The following FSTL4 variants were observed in gnomAD, a reference collection of about 807,000 sequenced individuals.
The protein encoded by FSTL4 is follistatin like 4, also known as follistatin-related protein 4.
FSTL4 carries 28 observed loss-of-function variants against 78.2 expected under a neutral mutation model. The observed-to-expected ratio is 0.36, with a 90% confidence interval of 0.27 to 0.49. The LOEUF (loss-of-function observed/expected upper bound fraction) is 0.49, where lower values mean the gene tolerates loss of function less well. Ranked by LOEUF, FSTL4 falls within the 20% of genes least tolerant of loss-of-function variation. FSTL4 has a pLI of 0.98. For synonymous variants in FSTL4, 422 were observed against 440.5 expected (o/e 0.96, Z 0.53); for missense variants, 922 against 1,084.9 (o/e 0.85, Z 2.11).
chr5:133,225,150 G>C lies in FSTL4; in HGVS notation c.1312C>G (p.Leu438Val). Residue 438 changes from leucine (L) to valine (V), a missense_variant and splice_region_variant, in exon 10 of 16, where the codon CTT (leucine) becomes GTT (valine). By Grantham distance (32) the Leu-to-Val change is conservative. Transcript: ENST00000265342. The surrounding 1 kb of genome is among the most constrained non-coding windows in gnomAD (Gnocchi z 4.6). ...LFIEDSARKT[L>V]ANILWREEGL... ...GAAGCATAAACGCGTGTCGACTTAC[G>C]GGTCTTTCTAGCTGAGTCTTCAATG... 6.2e-7 allele frequency: 1 copy of C among 1,614,158 alleles called. No individual in the cohort carries two copies. Among genetic ancestry groups the C allele is most frequent in the Non-Finnish European group, 8.5e-7 (1 of 1,180,020 alleles).
chr5:133,774,028 C>T, the FSTL4 span, among the ~76,000 whole-genome samples: 1 of 152,132 alleles, frequency 6.6e-6, no homozygotes, highest in Non-Finnish European at 1.5e-5. Context: ...ACTATAAGAG[C>T]AATGGTGATT....
the FSTL4 span, among the ~76,000 whole-genome samples, chr5:133,710,427 T>C: frequency 1.3e-5 from 2 of 152,238 alleles, no homozygotes; most frequent in South Asian, 2.1e-4. Flanking sequence ...TTATCAGTAG[T>C]ACCCCCTGTC....
At chr5:133,730,391 A>C in the FSTL4 span, among the ~76,000 whole-genome samples, 1 of 152,206 alleles carries the variant, frequency 6.6e-6, no homozygotes, top group East Asian at 1.9e-4. Context: ...ATGAAAGTGA[A>C]CTAGACGGGA....
intron 4 of FSTL4, among the ~76,000 whole-genome samples, chr5:133,342,514 C>A (rs561400781): frequency 6.6e-6 from 1 of 152,248 alleles, no homozygotes; most frequent in South Asian, 2.1e-4. Context: ...GCTTTTACCC[C>A]AACACCTGAT....
intron 6 of FSTL4, among the ~76,000 whole-genome samples, chr5:133,283,469 A>AG (rs1753056932): frequency 6.6e-6 from 1 of 152,228 alleles, no homozygotes; most frequent in Non-Finnish European, 1.5e-5. Context: ...GTCCAGATCC[A>AG]GGGGGACAGT....
At chr5:133,558,823 C>T (rs1759853420) in intron 3 of FSTL4, among the ~76,000 whole-genome samples, 1 of 152,034 alleles carries the variant, frequency 6.6e-6, no homozygotes, top group Non-Finnish European at 1.5e-5. Flanking sequence ...AACTTGTACA[C>T]CTTGGAAGCC....
intron 4 of FSTL4, among the ~76,000 whole-genome samples, chr5:133,347,921 A>G (rs1390475015): frequency 6.6e-6 from 1 of 152,234 alleles, no homozygotes; most frequent in Non-Finnish European, 1.5e-5. Flanking sequence ...ATAGCCAGGA[A>G]GAACCTGAGA....
chr5:133,638,110 C>T, the FSTL4 span, among the ~76,000 whole-genome samples: 1 of 152,048 alleles, frequency 6.6e-6, no homozygotes, highest in Non-Finnish European at 1.5e-5. Flanking sequence ...TGGAGTTATC[C>T]TTGGCTCTTC....
chr5:133,396,105 G>C (rs949797844), intron 4 of FSTL4, among the ~76,000 whole-genome samples: 4 of 152,104 alleles, frequency 2.6e-5, no homozygotes, highest in African/African-American at 9.7e-5. Context: ...TTCACAGGAG[G>C]ACCCACCACC....
chr5:133,754,625 T>C, the FSTL4 span, among the ~76,000 whole-genome samples: 580 of 152,304 alleles, frequency 3.8e-3, 2 homozygotes, highest in African/African-American at 0.013. Context: ...TAAACTAGTT[T>C]AATGAGGCTC....
At chr5:133,434,272 T>C (rs1238435907) in intron 3 of FSTL4, among the ~76,000 whole-genome samples, 2 of 152,166 alleles carry the variant, frequency 1.3e-5, no homozygotes, top group Non-Finnish European at 2.9e-5. Context: ...TGGGGGAATG[T>C]TATAAAATAA....
At chr5:133,809,231 G>A in the FSTL4 span, among the ~76,000 whole-genome samples, 1 of 151,986 alleles carries the variant, frequency 6.6e-6, no homozygotes, top group Non-Finnish European at 1.5e-5. Context: ...GCTGGGCATG[G>A]TGGTGCATGC....
At chr5:133,545,720 C>A (rs192870365) in intron 3 of FSTL4, among the ~76,000 whole-genome samples, 1 of 152,064 alleles carries the variant, frequency 6.6e-6, no homozygotes, top group Non-Finnish European at 1.5e-5. Flanking sequence ...GTGAATTGTT[C>A]CAAAATTGTT....
intron 7 of FSTL4, among the ~76,000 whole-genome samples, chr5:133,240,050 ATGCTGC>A (rs1751792029): frequency 6.6e-6 from 1 of 152,202 alleles, no homozygotes; most frequent in South Asian, 2.1e-4. Flanking sequence ...TTTGCAATAA[ATGCTGC>A]TGCTCACTCT....
chr5:133,633,993 T>C, the FSTL4 span, among the ~76,000 whole-genome samples: 1 of 152,030 alleles, frequency 6.6e-6, no homozygotes, highest in Non-Finnish European at 1.5e-5. Flanking sequence ...TCCACTGACA[T>C]CATGGGGTGG....
At chr5:133,469,409 G>A (rs999213971) in intron 3 of FSTL4, among the ~76,000 whole-genome samples, 1 of 152,188 alleles carries the variant, frequency 6.6e-6, no homozygotes, top group African/African-American at 2.4e-5. Flanking sequence ...TTGGGAAAGG[G>A]ATGAATGACA....
At chr5:133,407,024 G>A (rs1487647468) in intron 3 of FSTL4, among the ~76,000 whole-genome samples, 1 of 152,164 alleles carries the variant, frequency 6.6e-6, no homozygotes, top group Non-Finnish European at 1.5e-5. Flanking sequence ...ATGCCTGGAG[G>A]ATCTAGATGT....
intron 6 of FSTL4, among the ~76,000 whole-genome samples, chr5:133,292,365 T>G (rs1382894245): frequency 6.6e-6 from 1 of 152,016 alleles, no homozygotes; most frequent in Non-Finnish European, 1.5e-5. Context: ...CCATGCCCTT[T>G]CCTCCAGGCC....
the FSTL4 span, among the ~76,000 whole-genome samples, chr5:133,787,075 T>C: frequency 6.6e-6 from 1 of 152,262 alleles, no homozygotes. Flanking sequence ...TTCTCAAACT[T>C]GATGTCCCAG....
Sources: gnomAD v4.1 joint callset for allele counts (sites outside exome capture counted in the v4.1 genomes callset) on GRCh38, gnomAD v4.1.1 for gene constraint, Gnocchi (gnomAD v3.1) non-coding constraint, MANE v1.5 for transcripts, NCBI Gene and HGNC (gene_info 2026-07-23, HGNC 2026-07-21) for gene names.